The following MRPL2 variants were observed in gnomAD, a reference collection of about 807,000 sequenced individuals.
MRPL2 encodes large ribosomal subunit protein uL2m.
MRPL2 carries 27 observed loss-of-function variants against 34.6 expected under a neutral mutation model. That is an observed-to-expected ratio of 0.78 (90% CI 0.58 to 1.08). MRPL2 has a LOEUF of 1.08. Among genes scored for constraint, MRPL2 ranks in the 50% least tolerant of loss-of-function variants. The probability of loss-of-function intolerance (pLI) is 0.00; values close to 1 mark genes in which losing one functional copy is unlikely to be tolerated. For synonymous variants in MRPL2, 155 were observed against 158.0 expected, an observed-to-expected ratio of 0.98 and a Z score of 0.14; for missense variants, 414 against 419.3, an observed-to-expected ratio of 0.99 and a Z score of 0.11.
rs143111037 is a variant in MRPL2 at position 43,056,549 on chromosome 6, T to C, written c.266-104A>G. ...TGCCAGAGAGCAGTGCTTAGCATTG[T>C]GGCACAAGCAGAAATGATAAAAATT... On this transcript the variant is annotated intron_variant, in intron 2 of 6. Coordinates refer to ENST00000388752, the MANE Select transcript of MRPL2 (RefSeq NM_015950.5). The C allele has an allele frequency of 5.8e-3, 7,997 of 1,387,714 alleles. 32 individuals carry two copies. The highest frequency in any genetic ancestry group is 6.6e-3 in the Non-Finnish European group (6,669 of 1,007,242). The allele number at this position is 1,387,714 out of a possible 1,614,324, so 86.0% of individuals were successfully genotyped here. A position where few individuals can be genotyped will look rare whatever the true frequency, so the allele number is the denominator to read the frequency against.
chr6:43,057,748 G>C (rs1764923823), intron 2 of MRPL2: 2 of 373,224 alleles, frequency 5.4e-6, no homozygotes, highest in Admixed American at 8.9e-5. Context: ...CAAAATGCTG[G>C]GATTACAGTC....
At chr6:43,056,864 C>T (rs983581620) in intron 2 of MRPL2, among the ~76,000 whole-genome samples, 1 of 151,934 alleles carries the variant, frequency 6.6e-6, no homozygotes, top group Non-Finnish European at 1.5e-5. Flanking sequence ...TTAGTAGAGA[C>T]GGGTTTCACT....
At chr6:43,059,741 T>C, upstream of MRPL2, 1 of 1,227,982 alleles carries the variant, frequency 8.1e-7, no homozygotes, top group Non-Finnish European at 1.0e-6. Context: ...CATCTCTTAT[T>C]CTCGCACTAC....
chr6:43,059,731 C>T, upstream of MRPL2: 1 of 1,251,372 alleles, frequency 8.0e-7, no homozygotes, highest in South Asian at 2.4e-5. Flanking sequence ...AGGTCTCTGC[C>T]ATCTCTTATT....
At chr6:43,059,057 A>G (rs1581991048) in intron 1 of MRPL2, 2 of 1,364,686 alleles carry the variant, frequency 1.5e-6, no homozygotes, top group East Asian at 5.0e-5. Flanking sequence ...AAACCTGCAC[A>G]ACCGGTGATC....
intron 1 of MRPL2, among the ~76,000 whole-genome samples, chr6:43,058,572 T>A (rs1764963578): frequency 6.6e-6 from 1 of 152,236 alleles, no homozygotes; most frequent in African/African-American, 2.4e-5. Context: ...ATTCTTCACA[T>A]ATGAATGGAG....
chr6:43,056,293 C>T lies in MRPL2; in HGVS notation c.404+14G>A. ...TTCAGACCATTCCATCATCATCCCA[C>T]ATCCCAAACTTGCCTACAGGGATCA... On this transcript the variant is annotated intron_variant, in intron 3 of 6. Transcript: ENST00000388752. The T allele has an allele frequency of 1.2e-6, 2 of 1,614,220 alleles. No individual in the cohort carries two copies. Among genetic ancestry groups the T allele is most frequent in the Non-Finnish European group, 1.7e-6 (2 of 1,180,028 alleles).
At chr6:43,058,713 GACTT>G (rs1347621363) in intron 1 of MRPL2, among the ~76,000 whole-genome samples, 38 of 152,322 alleles carry the variant, frequency 2.5e-4, no homozygotes, top group Admixed American at 2.0e-3. Flanking sequence ...AGAGGAGCAG[GACTT>G]ACTTCTCTTT....
rs754232480 is a variant in MRPL2 at position 43,054,245 on chromosome 6, G to A, written c.*29C>T. The A allele has an allele frequency of 4.4e-5, 61 of 1,397,314 alleles. No individual in the cohort carries two copies. The highest frequency in any genetic ancestry group is 5.9e-5 in the Non-Finnish European group (60 of 1,023,158). The allele number at this position is 1,397,314 out of a possible 1,614,324, so 86.6% of individuals were successfully genotyped here. A position where few individuals can be genotyped will look rare whatever the true frequency, so the allele number is the denominator to read the frequency against. ...CACAGTAACAGATTAAAACGGGGGG[G>A]GGGGGCATTTTATTAGAGTACAGGG... On this transcript the variant is annotated 3_prime_UTR_variant, in exon 7 of 7. Coordinates refer to ENST00000388752, the MANE Select transcript of MRPL2 (RefSeq NM_015950.5).
intron 2 of MRPL2, among the ~76,000 whole-genome samples, chr6:43,057,357 T>C (rs914873224): frequency 1.2e-4 from 18 of 151,778 alleles, no homozygotes; most frequent in African/African-American, 3.6e-4. Flanking sequence ...ATTTTTTTTT[T>C]GAGACAGTCT....
intron 2 of MRPL2, among the ~76,000 whole-genome samples, chr6:43,056,739 ATCTCGGCTCACTGCAAGCTCCGCC>A (rs1448083154): frequency 6.7e-6 from 1 of 150,098 alleles, no homozygotes; most frequent in African/African-American, 2.5e-5. Flanking sequence ...CAGTGGTGCG[ATCTCGGCTCACTGCAAGCTCCGCC>A]TCCCGGGTTC....
chr6:43,055,472 CTATCCCAGACAGGAAAGT>C (rs1287057175), intron 6 of MRPL2, 55 bp downstream of exon 6: 2 of 1,424,826 alleles, frequency 1.4e-6, no homozygotes, highest in African/African-American at 2.8e-5. Flanking sequence ...CACCTGGGAG[CTATCCCAGACAGGAAAGT>C]TACATTCCAA....
chr6:43,054,248 G>GGC lies in MRPL2; in HGVS notation c.*25_*26insGC, dbSNP rs764574246. The stretch of plus-strand genomic sequence containing the variant: ...AGTAACAGATTAAAACGGGGGGGGG[G>GGC]GGCATTTTATTAGAGTACAGGGATA... On this transcript the variant is annotated 3_prime_UTR_variant, in exon 7 of 7. Coordinates refer to ENST00000388752, the MANE Select transcript of MRPL2 (RefSeq NM_015950.5). 115 of 1,391,554 alleles carry GGC rather than the reference G, an allele frequency of 8.3e-5. 4 individuals carry two copies. In the Middle Eastern group the frequency reaches 3.3e-3, roughly 40 times the overall value. 86.2% of individuals were successfully genotyped at this position (1,391,554 alleles called of 1,614,324 possible). A position where few individuals can be genotyped will look rare whatever the true frequency, so the allele number is the denominator to read the frequency against.
At position 43,056,018 on chromosome 6, in the gene MRPL2, G is replaced by C. The variant is rs755013614; in HGVS notation, c.521-11C>G. The C allele has an allele frequency of 4.4e-5, 71 of 1,614,032 alleles. No homozygotes were observed. The highest frequency in any genetic ancestry group is 6.0e-5 in the Non-Finnish European group (71 of 1,180,018). On this transcript the variant is annotated splice_polypyrimidine_tract_variant and intron_variant, in intron 4 of 6. Transcript: ENST00000388752. ...CTTCCCGAGCAGCAACTAAAAGACA[G>C]GATTTCATTAGCTCTAGAACTTTTG...
At position 43,059,358 on chromosome 6, in the gene MRPL2, G is replaced by T; in HGVS notation, c.24C>A (p.Arg8=). 6.4e-7 allele frequency: 1 copy of T among 1,552,022 alleles called. No individual in the cohort carries two copies. The part of the protein sequence containing the change: MALCALT[R]ALRSLNLAPP... ...GCGCCAGGTTCAGAGAGCGCAGAGC[G>T]CGGGTCAGTGCGCACAGGGCCATCA... The change falls in exon 1 of 7, where the codon CGC becomes CGA. Residue 8 remains arginine (R), a synonymous_variant. Coordinates refer to ENST00000388752, the MANE Select transcript of MRPL2 (RefSeq NM_015950.5).
In MRPL2 at chr6:43,058,036, T is replaced by G. The variant is rs1442640316; in HGVS notation, c.265+29A>C. The G allele has an allele frequency of 2.5e-6, 4 of 1,609,810 alleles. No individual in the cohort carries two copies. In the African/African-American group the frequency reaches 5.3e-5, roughly 22 times the overall value. On this transcript the variant is annotated intron_variant, in intron 2 of 6. Transcript: ENST00000388752. Reference sequence around the variant, plus strand: ...GTCTTAACATGTTTTTCCTTTTGACTGCTTAAATCCCCCTGTCCTTGTTCC... The same window carrying G: ...GTCTTAACATGTTTTTCCTTTTGACGGCTTAAATCCCCCTGTCCTTGTTCC...
At chr6:43,056,275 C>T in intron 3 of MRPL2, 32 bp downstream of exon 3, 1 of 1,614,108 alleles carries the variant, frequency 6.2e-7, no homozygotes, top group Non-Finnish European at 8.5e-7. Flanking sequence ...TTATTCAGAC[C>T]ATTCCATCAT....
chr6:43,058,033 G>A (rs780607679), intron 2 of MRPL2, 32 bp downstream of exon 2: 1 of 1,607,034 alleles, frequency 6.2e-7, no homozygotes, highest in Admixed American at 1.7e-5. Context: ...TTTTCCTTTT[G>A]ACTGCTTAAA....
chr6:43,056,748 C>T (rs1208126191), intron 2 of MRPL2, among the ~76,000 whole-genome samples: 1 of 152,066 alleles, frequency 6.6e-6, no homozygotes, highest in Non-Finnish European at 1.5e-5. Flanking sequence ...GATCTCGGCT[C>T]ACTGCAAGCT....
Sources: gnomAD v4.1 joint callset for allele counts (sites outside exome capture counted in the v4.1 genomes callset) on GRCh38, gnomAD v4.1.1 for gene constraint, MANE v1.5 for transcripts, NCBI Gene and HGNC (gene_info 2026-07-23, HGNC 2026-07-21) for gene names.